The following LAMA1 variants were observed in gnomAD, a reference collection of about 807,000 sequenced individuals.
LAMA1 encodes the protein laminin subunit alpha-1.
In LAMA1, 219 loss-of-function variants were observed where a neutral mutation model predicts 348.7. The ratio of observed to expected loss-of-function variants is 0.63; its 90% CI spans 0.56 to 0.70. The LOEUF (loss-of-function observed/expected upper bound fraction) is 0.70. LAMA1 is among the 30% of genes least tolerant of loss of function. The pLI, the probability that LAMA1 is intolerant of heterozygous loss-of-function variation, is 0.00. For missense variants in LAMA1, 3,744 were observed against 3,888.0 expected (o/e 0.96, Z 0.99); for synonymous variants, 1,487 against 1,491.0 (o/e 1.00, Z 0.06).
intron 3 of LAMA1, among the ~76,000 whole-genome samples, chr18:7,074,898 T>G (rs562085729): frequency 2.7e-5 from 4 of 146,376 alleles, no homozygotes; most frequent in Admixed American, 7.0e-5. Flanking sequence ...TTTATGGACT[T>G]CTGATAAGAC....
At chr18:6,987,454 C>T (rs2057740283) in intron 36 of LAMA1, among the ~76,000 whole-genome samples, 2 of 152,098 alleles carry the variant, frequency 1.3e-5, no homozygotes, top group South Asian at 2.1e-4. Flanking sequence ...TGATTTGTAC[C>T]ATGGATAAAT....
At chr18:7,037,468 AAC>A in intron 12 of LAMA1, 108 bp downstream of exon 12, 1 of 1,225,606 alleles carries the variant, frequency 8.2e-7, no homozygotes, top group Admixed American at 1.7e-5. Context: ...AATGCTGTCC[AAC>A]ACTCAGGTGC....
chr18:7,013,070 A>G (rs1040041623), intron 23 of LAMA1, among the ~76,000 whole-genome samples: 3 of 151,826 alleles, frequency 2.0e-5, no homozygotes, highest in Non-Finnish European at 4.4e-5. Flanking sequence ...CTGAGGCAGG[A>G]GAATTGCTTG....
At chr18:7,086,280 T>G (rs1017720817) in intron 1 of LAMA1, among the ~76,000 whole-genome samples, 1 of 152,126 alleles carries the variant, frequency 6.6e-6, no homozygotes, top group Non-Finnish European at 1.5e-5. Flanking sequence ...GAAAACAGAT[T>G]TGAGGAGATG....
chr18:7,080,699 C>T (rs1023055275), intron 1 of LAMA1, among the ~76,000 whole-genome samples: 8 of 152,024 alleles, frequency 5.3e-5, no homozygotes, highest in Admixed American at 1.3e-4. Context: ...GACTATGAAA[C>T]GACAGAGGAA....
intron 22 of LAMA1, among the ~76,000 whole-genome samples, chr18:7,014,997 T>C (rs948453562): frequency 4.0e-5 from 6 of 151,756 alleles, no homozygotes; most frequent in South Asian, 2.1e-4. Flanking sequence ...CAGGCGCCCA[T>C]CACCACGCCC....
intron 3 of LAMA1, among the ~76,000 whole-genome samples, chr18:7,077,194 CTTTTCTT>C (rs1361873449): frequency 2.2e-5 from 3 of 137,686 alleles, no homozygotes; most frequent in Non-Finnish European, 4.7e-5. Flanking sequence ...TTTTTCTGTT[CTTTTCTT>C]TTTTTTTTTT....
rs765401462 is a variant in LAMA1, at chr18:6,956,735, A to G, written c.7995T>C (p.His2665=). 1.2e-6 allele frequency: 2 copies of G among 1,614,104 alleles called. No homozygotes were observed. The highest frequency in any genetic ancestry group is 2.7e-5 in the African/African-American group (2 of 74,936). ...AGCAGGTGTCCAGGTCGACTTGCTC[A>G]TGGCCAACTGCACTGTTGAAATCCA... is the stretch of plus-strand genomic sequence containing the variant. ...ELLDFNSAVG[H]EQVDLDTCWL... Residue 2665 remains histidine, a synonymous_variant, in exon 56 of 63, where the codon CAT becomes CAC. Coordinates refer to ENST00000389658, the MANE Select transcript of LAMA1 (RefSeq NM_005559.4).
intron 55 of LAMA1, 30 bp downstream of exon 55, chr18:6,958,447 C>T (rs1303522728): frequency 1.2e-6 from 2 of 1,611,026 alleles, no homozygotes; most frequent in Non-Finnish European, 1.7e-6. Flanking sequence ...TCAGAAAGTG[C>T]AAGAACATGC....
intron 53 of LAMA1, chr18:6,960,644 G>A (rs1451069605): frequency 2.7e-5 from 4 of 146,416 alleles, no homozygotes; most frequent in Non-Finnish European, 4.4e-5. Context: ...TGAAATGGTC[G>A]ATTTTAGGTT....
chr18:6,944,283 C>A (rs186089176), intron 61 of LAMA1, among the ~76,000 whole-genome samples: 2 of 152,206 alleles, frequency 1.3e-5, no homozygotes, highest in Admixed American at 1.3e-4. Context: ...CCCAAAGTGC[C>A]GGGATTACAG....
intron 3 of LAMA1, among the ~76,000 whole-genome samples, chr18:7,072,042 G>A (rs180776402): frequency 1.3e-5 from 2 of 152,128 alleles, no homozygotes; most frequent in East Asian, 1.9e-4. Context: ...GTTACAGAGC[G>A]AAGAGATGAT....
At chr18:6,978,969 C>G (rs552244212) in intron 42 of LAMA1, among the ~76,000 whole-genome samples, 1 of 152,254 alleles carries the variant, frequency 6.6e-6, no homozygotes, top group South Asian at 2.1e-4. Context: ...TTCAGTTATT[C>G]TAGAAAATCT....
rs571161946 is a variant in LAMA1 at position 7,080,694 on chromosome 18, T to C, written c.62-237A>G. ...TGTTGCAGGGGGTGGGGATTGACTA[T>C]GAAACGACAGAGGAACTTTCTAGGG... On this transcript the variant is annotated intron_variant, in intron 1 of 62. Transcript: ENST00000389658. Among the ~76,000 whole-genome samples, 3 of 152,296 alleles carry C rather than the reference T, an allele frequency of 2.0e-5. No homozygotes were observed. In the East Asian group the frequency reaches 5.8e-4, roughly 29 times the overall value.
At chr18:6,983,437 A>T (rs1485632559) in intron 39 of LAMA1, among the ~76,000 whole-genome samples, 1 of 152,212 alleles carries the variant, frequency 6.6e-6, no homozygotes, top group Non-Finnish European at 1.5e-5. Flanking sequence ...CCACTTTGTC[A>T]TAACACTCAG....
chr18:6,980,490 TTA>T, intron 42 of LAMA1, 29 bp downstream of exon 42: 2 of 1,263,322 alleles, frequency 1.6e-6, no homozygotes, highest in Non-Finnish European at 2.3e-6. Flanking sequence ...TGAGAAGACG[TTA>T]TTTACAGAAG....
At chr18:7,113,556 T>G (rs1168436704) in intron 1 of LAMA1, among the ~76,000 whole-genome samples, 2 of 152,022 alleles carry the variant, frequency 1.3e-5, no homozygotes, top group Non-Finnish European at 2.9e-5. Context: ...TGGGGAACAT[T>G]AAGTAATTTG....
rs554025702 is a variant in LAMA1 at position 6,965,031 on chromosome 18, A to G, written c.7196-228T>C. ...CAGTATGCATGTGGAAGAAAACAGA[A>G]TGGATTTGATTCTTGATTCCAATCC... On this transcript the variant is annotated intron_variant, in intron 50 of 62. Transcript: ENST00000389658. 1.1e-4 allele frequency among the ~76,000 whole-genome samples: 16 copies of G among 152,286 alleles called. No homozygotes were observed. In the South Asian group the frequency reaches 3.3e-3, roughly 32 times the overall value.
chr18:6,943,447 C>CA, intron 61 of LAMA1, 45 bp from the exon 62 acceptor site: 1 of 1,488,494 alleles, frequency 6.7e-7, no homozygotes, highest in Non-Finnish European at 9.4e-7. Context: ...TTAAGGAACA[C>CA]AGTCCATTTG....
Sources: gnomAD v4.1 joint callset for allele counts (sites outside exome capture counted in the v4.1 genomes callset) on GRCh38, gnomAD v4.1.1 for gene constraint, MANE v1.5 for transcripts, NCBI Gene and HGNC (gene_info 2026-07-23, HGNC 2026-07-21) for gene names.